The following SCHIP1 variants were observed in gnomAD, a reference collection of about 807,000 sequenced individuals.
The protein encoded by SCHIP1 is schwannomin-interacting protein 1.
In SCHIP1, 8 loss-of-function variants were observed where a neutral mutation model predicts 29.7. The ratio of observed to expected loss-of-function variants is 0.27; its 90% CI spans 0.16 to 0.49. The LOEUF (loss-of-function observed/expected upper bound fraction) is 0.49. Ranked by LOEUF, SCHIP1 falls within the 20% of genes least tolerant of loss-of-function variation. The pLI, the probability that SCHIP1 is intolerant of heterozygous loss-of-function variation, is 0.99. For missense variants in SCHIP1, 193 were observed against 294.6 expected (o/e 0.66, Z 2.52); for synonymous variants, 76 against 94.9 (o/e 0.80, Z 1.16).
At chr3:159,786,317 A>G in the SCHIP1 span, among the ~76,000 whole-genome samples, 12 of 152,316 alleles carry the variant, frequency 7.9e-5, no homozygotes, top group East Asian at 2.3e-3. Context: ...CCTCTAAATC[A>G]TCTATGATAC....
At chr3:159,279,293 C>T in the SCHIP1 span, among the ~76,000 whole-genome samples, 1 of 152,158 alleles carries the variant, frequency 6.6e-6, no homozygotes. Context: ...TGCCTGCTGC[C>T]ATGTAAGGTG....
At chr3:159,290,781 C>T in the SCHIP1 span, among the ~76,000 whole-genome samples, 3 of 151,986 alleles carry the variant, frequency 2.0e-5, no homozygotes, top group Non-Finnish European at 4.4e-5. Context: ...ACTTATTTTA[C>T]AGTGTTTTAA....
the SCHIP1 span, among the ~76,000 whole-genome samples, chr3:159,623,974 C>A: frequency 1.3e-5 from 2 of 152,128 alleles, no homozygotes; most frequent in Admixed American, 6.6e-5. Flanking sequence ...ATAGGAGGGA[C>A]AAGATTCTCC....
the SCHIP1 span, among the ~76,000 whole-genome samples, chr3:159,507,714 A>C: frequency 6.6e-6 from 1 of 152,152 alleles, no homozygotes; most frequent in Non-Finnish European, 1.5e-5. Flanking sequence ...TTCTGCATCT[A>C]TTGAGATAAT....
At chr3:159,426,868 G>A in the SCHIP1 span, among the ~76,000 whole-genome samples, 1 of 152,152 alleles carries the variant, frequency 6.6e-6, no homozygotes, top group East Asian at 1.9e-4. Flanking sequence ...TGGGATGCAA[G>A]GCTGGATCAA....
the SCHIP1 span, among the ~76,000 whole-genome samples, chr3:159,545,889 C>T: frequency 1.3e-5 from 2 of 151,534 alleles, no homozygotes; most frequent in Non-Finnish European, 2.9e-5. Context: ...ATTAAAATTT[C>T]CAGTCTGGGG....
chr3:159,685,327 C>T, the SCHIP1 span, among the ~76,000 whole-genome samples: 1 of 152,096 alleles, frequency 6.6e-6, no homozygotes, highest in Admixed American at 6.5e-5. Flanking sequence ...TATGACAAAG[C>T]CATTTCATGT....
chr3:159,278,249 C>T, the SCHIP1 span, among the ~76,000 whole-genome samples: 3 of 152,092 alleles, frequency 2.0e-5, no homozygotes, highest in African/African-American at 7.2e-5. Context: ...CTTGAGAAAC[C>T]ACCCACTTGA....
At chr3:159,289,756 A>C in the SCHIP1 span, among the ~76,000 whole-genome samples, 1 of 152,266 alleles carries the variant, frequency 6.6e-6, no homozygotes, top group Non-Finnish European at 1.5e-5. Flanking sequence ...CATTTCTTGA[A>C]CAAATGAATC....
chr3:159,720,118 T>C, the SCHIP1 span, among the ~76,000 whole-genome samples: 4 of 151,768 alleles, frequency 2.6e-5, no homozygotes, highest in African/African-American at 9.7e-5. Flanking sequence ...CTGAGCAAAC[T>C]ATCTCAAGGA....
the SCHIP1 span, among the ~76,000 whole-genome samples, chr3:159,686,042 T>C: frequency 6.6e-6 from 1 of 152,150 alleles, no homozygotes; most frequent in Non-Finnish European, 1.5e-5. Context: ...GTGAGGCAGA[T>C]GGAAATCATA....
At chr3:159,274,641 C>G in the SCHIP1 span, 3 of 818,298 alleles carry the variant, frequency 3.7e-6, no homozygotes, top group Non-Finnish European at 4.4e-6. Context: ...TTATATGACA[C>G]AACCAACGAA....
the SCHIP1 span, among the ~76,000 whole-genome samples, chr3:159,715,516 C>A: frequency 6.6e-6 from 1 of 152,140 alleles, no homozygotes; most frequent in Non-Finnish European, 1.5e-5. Context: ...AAAGATTGGA[C>A]AAATGGCTAA....
At chr3:159,594,037 C>A in the SCHIP1 span, among the ~76,000 whole-genome samples, 110 of 152,328 alleles carry the variant, frequency 7.2e-4, 1 homozygote, top group Non-Finnish European at 6.9e-4. Flanking sequence ...CTGCTCACAG[C>A]ATTGCTGTCT....
chr3:159,702,108 T>C, the SCHIP1 span, among the ~76,000 whole-genome samples: 1 of 152,196 alleles, frequency 6.6e-6, no homozygotes, highest in East Asian at 1.9e-4. Context: ...CATTTTGACA[T>C]TGAATAATAC....
chr3:159,828,377 A>G, the SCHIP1 span, among the ~76,000 whole-genome samples: 25,969 of 73,122 alleles, frequency 0.36, 3,870 homozygotes, highest in Non-Finnish European at 0.39. Context: ...ATATATATAC[A>G]TATATATATA....
At chr3:159,610,413 T>G in the SCHIP1 span, among the ~76,000 whole-genome samples, 2 of 152,240 alleles carry the variant, frequency 1.3e-5, no homozygotes, top group Non-Finnish European at 2.9e-5. Flanking sequence ...GTTCTGTCAC[T>G]GACCTATTTG....
the SCHIP1 span, among the ~76,000 whole-genome samples, chr3:159,672,008 G>C: frequency 6.6e-6 from 1 of 152,096 alleles, no homozygotes; most frequent in Non-Finnish European, 1.5e-5. Flanking sequence ...CATGAAAATC[G>C]CTCAAAACAA....
chr3:159,754,235 ATCAG>A, the SCHIP1 span, among the ~76,000 whole-genome samples: 1 of 152,254 alleles, frequency 6.6e-6, no homozygotes, highest in Non-Finnish European at 1.5e-5. Flanking sequence ...GAAAGTTTGT[ATCAG>A]TCAATTTATA....
Sources: allele counts gnomAD v4.1 joint callset (sites outside exome capture counted in the v4.1 genomes callset), GRCh38; gene constraint gnomAD v4.1.1; transcripts MANE v1.5; gene names NCBI Gene and HGNC (gene_info 2026-07-23, HGNC 2026-07-21).